FAM118B: variants seen among roughly 807,000 people sequenced by gnomAD.
The protein encoded by FAM118B is SIR2 antiphage like 1.
In FAM118B, 24 loss-of-function variants were observed where a neutral mutation model predicts 38.5. The ratio of observed to expected loss-of-function variants is 0.62; its 90% CI spans 0.45 to 0.88. FAM118B has a LOEUF of 0.88. Ranked by LOEUF, FAM118B falls within the 40% of genes least tolerant of loss-of-function variation. The pLI is 0.00. For missense variants in FAM118B, 334 were observed against 420.0 expected (o/e 0.80, Z 1.79); for synonymous variants, 138 against 156.3 (o/e 0.88, Z 0.87).
At chr11:126,221,983 T>C (rs1190217457) in intron 1 of FAM118B, among the ~76,000 whole-genome samples, 3 of 152,012 alleles carry the variant, frequency 2.0e-5, no homozygotes, top group Non-Finnish European at 4.4e-5. Flanking sequence ...GTTGTAAAGG[T>C]TTGTTTATAG....
intron 1 of FAM118B, among the ~76,000 whole-genome samples, chr11:126,223,673 G>A (rs780704903): frequency 6.6e-6 from 1 of 151,762 alleles, no homozygotes; most frequent in East Asian, 1.9e-4. Context: ...TAAAATAAGA[G>A]AAACTGATTT....
rs139317170 is a variant in FAM118B, at chr11:126,212,154, C to G, written c.-77+324C>G. ...GCCCGGATCTCTGTAGTCTCTCCAC[C>G]CTTCATCTTCCAACTCCCAGCCTCT... On this transcript the variant is annotated intron_variant, in intron 1 of 8. Transcript: ENST00000533050. Among the ~76,000 whole-genome samples, 24 of 152,344 alleles carry G rather than the reference C, an allele frequency of 1.6e-4. 1 individual carries two copies. In the East Asian group the frequency reaches 4.4e-3, roughly 28 times the overall value.
intron 3 of FAM118B, among the ~76,000 whole-genome samples, chr11:126,237,386 A>G (rs1565332079): frequency 6.8e-6 from 1 of 147,580 alleles, no homozygotes; most frequent in African/African-American, 2.5e-5. Flanking sequence ...ACACCTGGCT[A>G]ATTTTTATTT....
chr11:126,225,190 G>A (rs1409348429), intron 1 of FAM118B, among the ~76,000 whole-genome samples: 2 of 152,172 alleles, frequency 1.3e-5, no homozygotes, highest in African/African-American at 4.8e-5. Flanking sequence ...CCTTTTAAGA[G>A]CAGCTTTTCT....
At chr11:126,233,665 A>G (rs1950235345) in intron 2 of FAM118B, 2 of 450,102 alleles carry the variant, frequency 4.4e-6, no homozygotes, top group Non-Finnish European at 8.9e-6. Context: ...TATTATTTCT[A>G]TTTACCTTAT....
intron 1 of FAM118B, among the ~76,000 whole-genome samples, chr11:126,216,793 C>T (rs1949984927): frequency 6.6e-6 from 1 of 152,240 alleles, no homozygotes; most frequent in African/African-American, 2.4e-5. Flanking sequence ...ATAGGGCAGG[C>T]TCACTGAGAG....
intron 3 of FAM118B, 42 bp downstream of exon 3, chr11:126,235,129 T>C (rs751218666): frequency 6.4e-7 from 1 of 1,570,332 alleles, no homozygotes; most frequent in African/African-American, 1.4e-5. Context: ...TTACCATTAG[T>C]GGGAGAGAAA....
At position 126,248,358 on chromosome 11, in the gene FAM118B, CTTTTTTTTTTTTTTTTT is replaced by C. The variant is rs1167017613; in HGVS notation, c.340-2135_340-2119del. Among the ~76,000 whole-genome samples, 6 of 36,966 alleles carry C rather than the reference CTTTTTTTTTTTTTTTTT, an allele frequency of 1.6e-4. No homozygotes were observed. The South Asian group carries it at 6.9e-3, about 43-fold the overall frequency. 24.3% of individuals were successfully genotyped at this position (36,966 alleles called of 152,430 possible). On this transcript the variant is annotated intron_variant, in intron 4 of 8. Coordinates refer to ENST00000533050, the MANE Select transcript of FAM118B (RefSeq NM_024556.4). ...GTATCTGACCTTCAATAGTAGTTGA[CTTTTTTTTTTTTTTTTT>C]TTTTTTTTTTTTGAGATGGAGTTTC...
chr11:126,262,117 C>A lies in FAM118B; in HGVS notation c.1043-3C>A. 6.2e-7 allele frequency: 1 copy of A among 1,614,046 alleles called. No homozygotes were observed. The highest frequency in any genetic ancestry group is 8.5e-7 in the Non-Finnish European group (1 of 1,179,954). ...TTTTGTTCTCTTTTCTTTCTCCCTA[C>A]AGGCTGTAGTACATGAGCGAGCTAG... On this transcript the variant is annotated splice_region_variant and splice_polypyrimidine_tract_variant and intron_variant, in intron 8 of 8. Coordinates refer to ENST00000533050, the MANE Select transcript of FAM118B (RefSeq NM_024556.4).
At chr11:126,227,638 TC>T (rs1161204665) in intron 1 of FAM118B, among the ~76,000 whole-genome samples, 3 of 152,196 alleles carry the variant, frequency 2.0e-5, no homozygotes, top group African/African-American at 7.2e-5. Flanking sequence ...ATCTTTCTTA[TC>T]CTTCTGTTCT....
chr11:126,239,778 T>G (rs542655476), intron 3 of FAM118B, among the ~76,000 whole-genome samples: 3 of 152,258 alleles, frequency 2.0e-5, no homozygotes, highest in African/African-American at 7.2e-5. Flanking sequence ...CCCCCCAAAG[T>G]GCTGGGATTA....
At position 126,256,859 on chromosome 11, in the gene FAM118B, T is replaced by C; in HGVS notation, c.982+7T>C. On this transcript the variant is annotated splice_region_variant and intron_variant, in intron 7 of 8. Coordinates refer to ENST00000533050, the MANE Select transcript of FAM118B (RefSeq NM_024556.4). This position sits in a 1 kb window ranked among gnomAD's most constrained non-coding sequence, Gnocchi z 6.6. ...TCCACAAGGGGTACATCAGGTAAGA[T>C]GCATTTTGAAGCTGAGGGGAATCAG... The C allele has an allele frequency of 1.2e-6, 2 of 1,603,312 alleles. No individual in the cohort carries two copies. Among genetic ancestry groups the C allele is most frequent in the South Asian group, 2.2e-5 (2 of 90,266 alleles).
chr11:126,233,082 G>C (rs1950228362), intron 2 of FAM118B, among the ~76,000 whole-genome samples: 1 of 152,212 alleles, frequency 6.6e-6, no homozygotes. Context: ...TTTGAAGGAA[G>C]ATTCTGGAGA....
chr11:126,220,684 A>T (rs1175017347), intron 1 of FAM118B, among the ~76,000 whole-genome samples: 2 of 152,124 alleles, frequency 1.3e-5, no homozygotes, highest in Non-Finnish European at 2.9e-5. Flanking sequence ...CGTCCTGGGG[A>T]ACAGAGCAAG....
At chr11:126,214,501 T>TTTTTTTTTC (rs1949947012) in intron 1 of FAM118B, 1 of 89,892 alleles carries the variant, frequency 1.1e-5, no homozygotes, top group Non-Finnish European at 2.2e-5. Context: ...TTTTTTTTTT[T>TTTTTTTTTC]TGTTTTTTTT....
At chr11:126,248,154 TAAAAATAAATA>T (rs909285384) in intron 4 of FAM118B, among the ~76,000 whole-genome samples, 3 of 149,202 alleles carry the variant, frequency 2.0e-5, no homozygotes, top group Non-Finnish European at 4.4e-5. Flanking sequence ...TCAAGAAAAA[TAAAAATAAATA>T]AAAAATAAAA....
chr11:126,233,734 G>A (rs1360336514), intron 2 of FAM118B: 4 of 456,322 alleles, frequency 8.8e-6, no homozygotes, highest in Non-Finnish European at 1.8e-5. Context: ...GAGGATGTGA[G>A]CCTTCTGTTT....
At chr11:126,245,164 G>T (rs1420464699) in intron 4 of FAM118B, 1 of 152,036 alleles carries the variant, frequency 6.6e-6, no homozygotes, top group Non-Finnish European at 1.5e-5. Flanking sequence ...CCTAAAGAGG[G>T]GTGAACAAAC....
At chr11:126,242,204 A>G (rs1950368707) in intron 4 of FAM118B, among the ~76,000 whole-genome samples, 1 of 152,156 alleles carries the variant, frequency 6.6e-6, no homozygotes, top group Admixed American at 6.5e-5. Context: ...TTTTTTAGAC[A>G]TGACACCAAA....
Sources: allele counts gnomAD v4.1 joint callset (sites outside exome capture counted in the v4.1 genomes callset), GRCh38; gene constraint gnomAD v4.1.1; non-coding constraint Gnocchi (gnomAD v3.1); transcripts MANE v1.5; gene names NCBI Gene and HGNC (gene_info 2026-07-23, HGNC 2026-07-21).